The following HOXC4 variants were observed in gnomAD, a reference collection of about 807,000 sequenced individuals.
The protein encoded by HOXC4 is homeobox protein Hox-C4.
Under a neutral mutation model 25.5 loss-of-function variants are expected in HOXC4, and 15 were observed. The observed-to-expected ratio is 0.59, with a 90% CI of 0.39 to 0.91. The LOEUF is 0.91. HOXC4 is among the 40% of genes least tolerant of loss of function. The probability of loss-of-function intolerance (pLI) is 0.00; values close to 1 mark genes in which losing one functional copy is unlikely to be tolerated. For synonymous variants in HOXC4, 165 were observed against 148.0 expected (o/e 1.11, Z -0.83); for missense variants, 342 against 352.4 (o/e 0.97, Z 0.24).
chr12:54,045,070 A>C (rs537542793), intron 1 of HOXC4, among the ~76,000 whole-genome samples: 3 of 152,196 alleles, frequency 2.0e-5, no homozygotes, highest in Non-Finnish European at 4.4e-5. Flanking sequence ...GCACTTGCGA[A>C]GTCTCTAGTC....
At chr12:54,018,400 C>T (rs1453024780) in intron 1 of HOXC4, among the ~76,000 whole-genome samples, 1 of 152,198 alleles carries the variant, frequency 6.6e-6, no homozygotes, top group Non-Finnish European at 1.5e-5. Flanking sequence ...AGGCCCAGTC[C>T]TCCTGGTAGA....
At chr12:54,035,209 C>T (rs1349168102) in intron 1 of HOXC4, 2 of 153,338 alleles carry the variant, frequency 1.3e-5, no homozygotes, top group Admixed American at 1.3e-4. Context: ...TGGACCCCAG[C>T]AAGTGGTCCT....
chr12:54,031,272 C>T (rs1430172034), intron 1 of HOXC4, among the ~76,000 whole-genome samples: 4 of 152,188 alleles, frequency 2.6e-5, no homozygotes, highest in Non-Finnish European at 2.9e-5. Flanking sequence ...AGAGCAAGCC[C>T]CAGGCCCGCG....
chr12:54,041,445 T>A (rs577926152), intron 1 of HOXC4, among the ~76,000 whole-genome samples: 4 of 152,348 alleles, frequency 2.6e-5, no homozygotes, highest in South Asian at 4.1e-4. Context: ...CTGTGGCACC[T>A]GGACCTCTAA....
At chr12:54,034,288 C>G (rs1941118626) in intron 1 of HOXC4, 1 of 1,613,518 alleles carries the variant, frequency 6.2e-7, no homozygotes, top group Non-Finnish European at 8.5e-7. Flanking sequence ...AGACGGACGG[C>G]AAGCGGTCCC....
Position 54,026,941 on chromosome 12 carries a change from C to CA in HOXC4, c.-124+9527_-124+9528insA, listed in dbSNP as rs200383737. Reference sequence around the variant, plus strand: ...GTTCTTGTTATAGCCAGCTTTCCCCCCCCCCAACCCACCCAAAAATGGTGG... The same window carrying CA: ...GTTCTTGTTATAGCCAGCTTTCCCCCACCCCCAACCCACCCAAAAATGGTGG... On this transcript the variant is annotated intron_variant, in intron 1 of 3. Transcript: ENST00000303406. Among the ~76,000 whole-genome samples the CA allele has an allele frequency of 9.0e-3, 1,290 of 142,550 alleles. 14 individuals are homozygous for CA. The highest frequency in any genetic ancestry group is 0.032 in the African/African-American group (1,197 of 37,450). The allele number at this position is 142,550 out of a possible 152,430, so 93.5% of individuals were successfully genotyped here.
At position 54,029,611 on chromosome 12, in the gene HOXC4, G is replaced by C. The variant is rs748395179; in HGVS notation, c.-124+12197G>C. 3.2e-6 allele frequency: 5 copies of C among 1,583,352 alleles called. No homozygotes were observed. The Admixed American group carries it at 5.2e-5, about 16-fold the overall frequency. On this transcript the variant is annotated intron_variant, in intron 1 of 3. Transcript: ENST00000303406. ...CTAGGCGAAACAGTCTGCAGAGGACGCTTTGCTGATTGCTTTTAGTGTGTT... is the reference window on the plus strand; with the variant it reads ...CTAGGCGAAACAGTCTGCAGAGGACCCTTTGCTGATTGCTTTTAGTGTGTT...
chr12:54,025,532 G>A (rs994457821), intron 1 of HOXC4, among the ~76,000 whole-genome samples: 7 of 46,944 alleles, frequency 1.5e-4, no homozygotes, highest in Non-Finnish European at 3.8e-4. Context: ...GTAATTGGGG[G>A]GGGGGGAGGT....
intron 1 of HOXC4, chr12:54,029,750 C>T: frequency 1.2e-6 from 2 of 1,614,220 alleles, no homozygotes; most frequent in Non-Finnish European, 1.7e-6. Flanking sequence ...CAATCGCTAC[C>T]TAACGCGGCG....
intron 1 of HOXC4, chr12:54,033,051 C>T (rs905377845): frequency 3.1e-5 from 40 of 1,288,450 alleles, no homozygotes; most frequent in Non-Finnish European, 4.0e-5. Flanking sequence ...ACAAAAAACC[C>T]CTCAACTTCA....
chr12:54,028,769 T>C lies in HOXC4; in HGVS notation c.-124+11355T>C. 1.2e-6 allele frequency: 2 copies of C among 1,614,038 alleles called. No individual in the cohort carries two copies. The highest frequency in any genetic ancestry group is 8.5e-7 in the Non-Finnish European group (1 of 1,180,024). On this transcript the variant is annotated intron_variant, in intron 1 of 3. Coordinates refer to the HOXC4 transcript ENST00000303406. Reference sequence around the variant, plus strand: ...AATTCCTTTTACCAGGAGAAAGACATGCTCTCAAACTGCAGACAAAACACC... The same window carrying C: ...AATTCCTTTTACCAGGAGAAAGACACGCTCTCAAACTGCAGACAAAACACC...
intron 1 of HOXC4, chr12:54,030,039 A>G: frequency 1.5e-6 from 2 of 1,302,944 alleles, no homozygotes; most frequent in Non-Finnish European, 1.0e-6. Context: ...CACACTCTGT[A>G]TTTATCACTG....
At chr12:54,047,448 G>T (rs113669339) in intron 1 of HOXC4, among the ~76,000 whole-genome samples, 2 of 152,360 alleles carry the variant, frequency 1.3e-5, no homozygotes, top group South Asian at 2.1e-4. Context: ...CCCAGGCCGC[G>T]AGGTGCGCGC....
At chr12:54,031,742 G>A (rs1174700451) in intron 1 of HOXC4, among the ~76,000 whole-genome samples, 1 of 152,174 alleles carries the variant, frequency 6.6e-6, no homozygotes, top group African/African-American at 2.4e-5. Context: ...TCTCCTGGCG[G>A]GGCGGAGATT....
chr12:54,042,121 G>A (rs1941286371), intron 1 of HOXC4, among the ~76,000 whole-genome samples: 1 of 151,974 alleles, frequency 6.6e-6, no homozygotes, highest in Admixed American at 6.6e-5. Flanking sequence ...TGGGATTAGA[G>A]GCATGCACCA....
At chr12:54,029,703 G>A (rs113381644) in intron 1 of HOXC4, 3 of 1,614,082 alleles carry the variant, frequency 1.9e-6, no homozygotes, top group Non-Finnish European at 2.5e-6. Context: ...ATCTACTCGC[G>A]GTACCAGACC....
chr12:54,033,162 C>T, intron 1 of HOXC4: 1 of 1,614,110 alleles, frequency 6.2e-7, no homozygotes, highest in Non-Finnish European at 8.5e-7. Context: ...TAAGCAGAGC[C>T]CCAATATCCC....
intron 1 of HOXC4, 69 bp downstream of exon 1, chr12:54,054,430 C>T: frequency 3.9e-6 from 4 of 1,029,456 alleles, no homozygotes; most frequent in Non-Finnish European, 5.6e-6. Context: ...CCTCCTCGGC[C>T]CCCTCTGGCC....
chr12:54,018,379 T>C (rs1170705318), intron 1 of HOXC4, among the ~76,000 whole-genome samples: 2 of 152,000 alleles, frequency 1.3e-5, no homozygotes, highest in Non-Finnish European at 2.9e-5. Flanking sequence ...GGCCCTAGGC[T>C]GGGCGGGGAC....
Sources: allele counts gnomAD v4.1 joint callset (sites outside exome capture counted in the v4.1 genomes callset), GRCh38; gene constraint gnomAD v4.1.1; transcripts MANE v1.5; gene names NCBI Gene and HGNC (gene_info 2026-07-23, HGNC 2026-07-21).